Variants in CACNA2D2 observed in about 807,000 individuals in gnomAD.
CACNA2D2 encodes calcium voltage-gated channel auxiliary subunit alpha2delta 2, also known as voltage-dependent calcium channel subunit alpha-2/delta-2.
A neutral mutation model predicts 166.4 loss-of-function variants in CACNA2D2; 48 were observed. That is an observed-to-expected ratio of 0.29 (90% CI 0.23 to 0.37). CACNA2D2 has a LOEUF of 0.37. Among genes scored for constraint, CACNA2D2 ranks in the 10% least tolerant of loss-of-function variants. The pLI is 1.00. For synonymous variants in CACNA2D2, 561 were observed against 573.7 expected, an observed-to-expected ratio of 0.98 and a Z score of 0.32; for missense variants, 1,122 against 1,433.0, an observed-to-expected ratio of 0.78 and a Z score of 3.50.
chr3:50,387,291 C>G (rs1705656766), intron 5 of CACNA2D2, among the ~76,000 whole-genome samples: 1 of 152,222 alleles, frequency 6.6e-6, no homozygotes, highest in Admixed American at 6.5e-5. Context: ...TAGAGAGGCT[C>G]TCTCCATCTG....
chr3:50,392,659 T>C (rs1316023543), intron 4 of CACNA2D2, among the ~76,000 whole-genome samples: 1 of 152,184 alleles, frequency 6.6e-6, no homozygotes, highest in East Asian at 1.9e-4. Flanking sequence ...ACCCATGCCA[T>C]CAGCGGCTTG....
At chr3:50,430,162 T>C (rs1708003454) in intron 3 of CACNA2D2, among the ~76,000 whole-genome samples, 1 of 152,152 alleles carries the variant, frequency 6.6e-6, no homozygotes, top group Non-Finnish European at 1.5e-5. Flanking sequence ...CTAGCCACCA[T>C]GTTGATGTCC....
At chr3:50,484,912 G>C (rs1698215356) in intron 1 of CACNA2D2, among the ~76,000 whole-genome samples, 1 of 152,240 alleles carries the variant, frequency 6.6e-6, no homozygotes, top group Non-Finnish European at 1.5e-5. Context: ...GGCAGGTGGG[G>C]TGGGCAGGGG....
intron 5 of CACNA2D2, among the ~76,000 whole-genome samples, chr3:50,385,287 C>G (rs2236952): frequency 0.24 from 35,982 of 152,066 alleles, 5,775 homozygotes; most frequent in East Asian, 0.64. Flanking sequence ...GAGCAAAGCT[C>G]GGGGGCTTCC....
intron 1 of CACNA2D2, among the ~76,000 whole-genome samples, chr3:50,488,698 T>TG (rs1698394673): frequency 6.6e-6 from 1 of 151,432 alleles, no homozygotes; most frequent in Non-Finnish European, 1.5e-5. Flanking sequence ...GGTGTTTTTT[T>TG]TTTGTTTGTT....
At chr3:50,491,176 C>A (rs1698505249) in intron 1 of CACNA2D2, among the ~76,000 whole-genome samples, 1 of 152,222 alleles carries the variant, frequency 6.6e-6, no homozygotes, top group Non-Finnish European at 1.5e-5. Flanking sequence ...GAGGTCTCCA[C>A]AAGCACCGGT....
intron 3 of CACNA2D2, among the ~76,000 whole-genome samples, chr3:50,426,738 C>A (rs1287044094): frequency 6.6e-6 from 1 of 152,116 alleles, no homozygotes; most frequent in African/African-American, 2.4e-5. Flanking sequence ...GAAGGGCCTG[C>A]TCCACGGAGC....
intron 3 of CACNA2D2, among the ~76,000 whole-genome samples, chr3:50,433,728 G>A (rs1051379131): frequency 6.6e-6 from 1 of 152,126 alleles, no homozygotes; most frequent in African/African-American, 2.4e-5. Flanking sequence ...GCAGCCCAGC[G>A]CATTCCTGTT....
rs1330719850 is a variant in CACNA2D2 at position 50,367,647 on chromosome 3, G to C, written c.2292C>G (p.Pro764=). The C allele has an allele frequency of 6.2e-7, 1 of 1,611,728 alleles. No individual in the cohort carries two copies. Among genetic ancestry groups the C allele is most frequent in the Non-Finnish European group, 8.5e-7 (1 of 1,178,304 alleles). The change falls in exon 26 of 38, where the codon CCC becomes CCG. Residue 764 remains proline, a synonymous_variant. Transcript: ENST00000424201. The surrounding 1 kb of genome is among the most constrained non-coding windows in gnomAD (Gnocchi z 6.5). ...ATDGGITRVF[P]NKAAEDWTEN... is the part of the protein sequence containing the mutation. ...TAGTGGGATAGGTCACTTACTTGTTGGGGAAGACTCGGGTGATGCCACCGT... is the reference window on the plus strand; with the variant it reads ...TAGTGGGATAGGTCACTTACTTGTTCGGGAAGACTCGGGTGATGCCACCGT...
intron 3 of CACNA2D2, among the ~76,000 whole-genome samples, chr3:50,415,299 A>G (rs1707218578): frequency 6.6e-6 from 1 of 152,174 alleles, no homozygotes; most frequent in South Asian, 2.1e-4. Context: ...GTGCAGAGAG[A>G]GCTGAGCCCC....
chr3:50,433,674 C>T (rs1358510532), intron 3 of CACNA2D2, among the ~76,000 whole-genome samples: 1 of 152,182 alleles, frequency 6.6e-6, no homozygotes, highest in African/African-American at 2.4e-5. Context: ...CACCTACTCT[C>T]CCTGGGATGG....
intron 1 of CACNA2D2, among the ~76,000 whole-genome samples, chr3:50,484,278 C>A (rs1425791986): frequency 6.6e-6 from 1 of 152,186 alleles, no homozygotes; most frequent in African/African-American, 2.4e-5. Context: ...CTTGGCCGGG[C>A]ACCCATCAGG....
At chr3:50,436,158 T>C (rs1395825284) in intron 2 of CACNA2D2, among the ~76,000 whole-genome samples, 1 of 119,974 alleles carries the variant, frequency 8.3e-6, no homozygotes, top group African/African-American at 3.3e-5. Flanking sequence ...CTTTCACCCA[T>C]CCTTGACAGA....
upstream of CACNA2D2, chr3:50,503,649 G>T (rs1363766420): frequency 3.8e-5 from 6 of 159,072 alleles, no homozygotes; most frequent in Admixed American, 6.5e-5. Context: ...GCCCGGCCCG[G>T]GACCTGCGCT....
At position 50,379,569 on chromosome 3, in the gene CACNA2D2, C is replaced by G; in HGVS notation, c.1015G>C (p.Val339Leu). 1 of 1,613,954 alleles carries G rather than the reference C, an allele frequency of 6.2e-7. No homozygotes were observed. Among genetic ancestry groups the G allele is most frequent in the Non-Finnish European group, 8.5e-7 (1 of 1,180,036 alleles). ...VASFNEKAQP[V>L]SCFTHLVQAN... ...TGCACCAGGTGTGTGAAGCATGACA[C>G]AGGCTGTGCCTTCTCGTTGAACTGC... Residue 339 changes from valine to leucine, a missense_variant, in exon 11 of 38, where the codon GTG (valine) becomes CTG (leucine). Val to Leu is a conservative substitution (Grantham distance 32). Coordinates refer to ENST00000424201, the MANE Select transcript of CACNA2D2 (RefSeq NM_006030.4). The surrounding 1 kb of genome is among the most constrained non-coding windows in gnomAD (Gnocchi z 6.5).
intron 4 of CACNA2D2, among the ~76,000 whole-genome samples, chr3:50,392,198 C>T (rs1382842788): frequency 6.6e-6 from 1 of 152,198 alleles, no homozygotes; most frequent in Non-Finnish European, 1.5e-5. Context: ...TTCCCAGCCT[C>T]AAGTCCCTGC....
chr3:50,409,503 C>G (rs114262394), intron 3 of CACNA2D2, among the ~76,000 whole-genome samples: 1 of 152,238 alleles, frequency 6.6e-6, no homozygotes, highest in Non-Finnish European at 1.5e-5. Context: ...GCACCAGCAC[C>G]GCCTGTGCTG....
At chr3:50,383,875 C>T (rs1367191166) in intron 6 of CACNA2D2, among the ~76,000 whole-genome samples, 1 of 152,194 alleles carries the variant, frequency 6.6e-6, no homozygotes, top group Non-Finnish European at 1.5e-5. Context: ...GGCGGGCACT[C>T]AGTCCAACAT....
At chr3:50,415,369 G>GA (rs1343094609) in intron 3 of CACNA2D2, among the ~76,000 whole-genome samples, 1 of 152,222 alleles carries the variant, frequency 6.6e-6, no homozygotes, top group Non-Finnish European at 1.5e-5. Context: ...TTATACTCTG[G>GA]AAACAGGAGT....
Sources: allele counts gnomAD v4.1 joint callset (sites outside exome capture counted in the v4.1 genomes callset), GRCh38; gene constraint gnomAD v4.1.1; non-coding constraint Gnocchi (gnomAD v3.1); transcripts MANE v1.5; gene names NCBI Gene and HGNC (gene_info 2026-07-23, HGNC 2026-07-21).